The following IL12RB2 variants were observed in gnomAD, a reference collection of about 807,000 sequenced individuals.
The protein encoded by IL12RB2 is interleukin 12 receptor subunit beta 2.
In IL12RB2, 82 loss-of-function variants were observed where a neutral mutation model predicts 89.4. The observed-to-expected ratio is 0.92, with a 90% CI of 0.77 to 1.10. IL12RB2 has a LOEUF of 1.10. Among genes scored for constraint, IL12RB2 ranks in the 50% least tolerant of loss-of-function variants. IL12RB2 has a pLI of 0.00. For missense variants in IL12RB2, 963 were observed against 1,031.9 expected (o/e 0.93, Z 0.92); for synonymous variants, 368 against 370.1 (o/e 0.99, Z 0.07).
chr1:67,378,682 T>C (rs1479136926), intron 13 of IL12RB2, among the ~76,000 whole-genome samples: 1 of 150,280 alleles, frequency 6.7e-6, no homozygotes, highest in Non-Finnish European at 1.5e-5. Flanking sequence ...AAACCCCATC[T>C]CTATTAAAAA....
rs1293848144 is a variant in IL12RB2, at chr1:67,389,884, T to C, written c.1947-145T>C. ...TACAGAAAACTACCGTAGTCTTGGA[T>C]GATAAATCATCTTTGTCTTTCAGTG... On this transcript the variant is annotated intron_variant, in intron 15 of 16. Coordinates refer to ENST00000674203, the MANE Select transcript of IL12RB2 (RefSeq NM_001374259.2). 5 of 666,380 alleles carry C rather than the reference T, an allele frequency of 7.5e-6. No homozygotes were observed. In the Admixed American group the frequency reaches 1.0e-4, roughly 14 times the overall value. 41.3% of individuals were successfully genotyped at this position (666,380 alleles called of 1,614,324 possible).
chr1:67,330,586 TTCA>T, intron 7 of IL12RB2, 71 bp from the exon 8 acceptor site: 6 of 789,438 alleles, frequency 7.6e-6, no homozygotes, highest in Non-Finnish European at 1.3e-5. Flanking sequence ...TTTTTTTTTT[TTCA>T]TTTTATGTTA....
intron 9 of IL12RB2, among the ~76,000 whole-genome samples, chr1:67,345,822 G>T (rs1365177742): frequency 6.6e-6 from 1 of 152,172 alleles, no homozygotes; most frequent in Non-Finnish European, 1.5e-5. Flanking sequence ...AGGGAATTTT[G>T]ATTGGATAGC....
At chr1:67,348,342 C>T (rs1266047636) in intron 9 of IL12RB2, among the ~76,000 whole-genome samples, 1 of 152,098 alleles carries the variant, frequency 6.6e-6, no homozygotes, top group African/African-American at 2.4e-5. Flanking sequence ...ACACGGCTGC[C>T]CACACCTACC....
chr1:67,319,614 T>C (rs1159096771), intron 2 of IL12RB2, among the ~76,000 whole-genome samples: 1 of 152,072 alleles, frequency 6.6e-6, no homozygotes, highest in African/African-American at 2.4e-5. Context: ...GAAGCCTTGT[T>C]TAGAAGGAAA....
intron 9 of IL12RB2, 117 bp downstream of exon 9, chr1:67,338,820 C>A: frequency 1.4e-6 from 1 of 720,252 alleles, no homozygotes. Context: ...CTCATTTTCT[C>A]ACATTCATGA....
chr1:67,356,591 A>G (rs1409444001), intron 10 of IL12RB2, among the ~76,000 whole-genome samples: 1 of 152,190 alleles, frequency 6.6e-6, no homozygotes, highest in Non-Finnish European at 1.5e-5. Context: ...TGGAGGTACA[A>G]GTATGCCTAA....
At chr1:67,316,497 T>A (rs1428339955) in intron 2 of IL12RB2, among the ~76,000 whole-genome samples, 1 of 151,574 alleles carries the variant, frequency 6.6e-6, no homozygotes, top group Non-Finnish European at 1.5e-5. Flanking sequence ...AAAACTCAAT[T>A]AAAATAAGTA....
intron 10 of IL12RB2, among the ~76,000 whole-genome samples, chr1:67,367,078 C>T (rs188986745): frequency 6.6e-6 from 1 of 152,122 alleles, no homozygotes; most frequent in African/African-American, 2.4e-5. Flanking sequence ...AGATTAGGCA[C>T]CTTTGAGGCT....
chr1:67,340,215 G>T (rs1433889958), intron 9 of IL12RB2, among the ~76,000 whole-genome samples: 3 of 152,158 alleles, frequency 2.0e-5, no homozygotes, highest in Non-Finnish European at 4.4e-5. Flanking sequence ...GGTGAATCAT[G>T]ATCAGGCTCT....
In IL12RB2 at chr1:67,385,983, G is replaced by A. The variant is rs146048052; in HGVS notation, c.1856-596G>A. ...CCCAGCACTTTGGGAGGCCGAGGCA[G>A]GCAGATCATGAGGTCAGGAGTTCAA... is the stretch of plus-strand genomic sequence containing the variant. On this transcript the variant is annotated intron_variant, in intron 14 of 16. Coordinates refer to ENST00000674203, the MANE Select transcript of IL12RB2 (RefSeq NM_001374259.2). Among the ~76,000 whole-genome samples the A allele has an allele frequency of 3.6e-3, 550 of 152,158 alleles. 10 individuals are homozygous for A. The East Asian group carries it at 0.045, about 13-fold the overall frequency.
chr1:67,329,717 G>T lies in IL12RB2; in HGVS notation c.795G>T (p.Arg265Ser), dbSNP rs765685936. 3 of 1,607,338 alleles carry T rather than the reference G, an allele frequency of 1.9e-6. No individual in the cohort carries two copies. The highest frequency in any genetic ancestry group is 1.1e-5 in the South Asian group (1 of 90,934). Residue 265 changes from arginine (R) to serine (S), a missense_variant, in exon 7 of 17, where the codon AGG becomes AGT. Arg to Ser is a moderately radical substitution (Grantham distance 110). Coordinates refer to ENST00000674203, the MANE Select transcript of IL12RB2 (RefSeq NM_001374259.2). Reference sequence around the variant, plus strand: ...TCAGATATCGGCCCAGTAACAGCAGGCTCTGGAATATGGTAATTATCTTTA... The same window carrying T: ...TCAGATATCGGCCCAGTAACAGCAGTCTCTGGAATATGGTAATTATCTTTA... The part of the protein sequence containing the change: ...NRLRYRPSNS[R>S]LWNMVNVTKA...
At chr1:67,357,476 T>C (rs952890276) in intron 10 of IL12RB2, among the ~76,000 whole-genome samples, 8 of 152,214 alleles carry the variant, frequency 5.3e-5, no homozygotes, top group Admixed American at 2.0e-4. Context: ...TAATAGAAGC[T>C]AGCAAAAGTG....
chr1:67,334,986 T>C (rs1052967603), intron 8 of IL12RB2, among the ~76,000 whole-genome samples: 1 of 152,222 alleles, frequency 6.6e-6, no homozygotes, highest in Non-Finnish European at 1.5e-5. Flanking sequence ...ATCAGACACT[T>C]TCACTAACAG....
At chr1:67,337,968 GCT>G (rs1659011094) in intron 8 of IL12RB2, among the ~76,000 whole-genome samples, 1 of 146,232 alleles carries the variant, frequency 6.8e-6, no homozygotes. Context: ...TTATTTTTTT[GCT>G]CTGTCTTATG....
At chr1:67,363,435 C>T (rs1374410388) in intron 10 of IL12RB2, among the ~76,000 whole-genome samples, 12 of 147,138 alleles carry the variant, frequency 8.2e-5, no homozygotes, top group Admixed American at 1.4e-4. Flanking sequence ...AGGCTGGTCT[C>T]GAACTCCCAA....
intron 8 of IL12RB2, among the ~76,000 whole-genome samples, chr1:67,332,015 G>A (rs893293587): frequency 1.4e-4 from 22 of 152,030 alleles, no homozygotes; most frequent in African/African-American, 5.3e-4. Flanking sequence ...TGAAATTTAT[G>A]GATATGTGTG....
intron 10 of IL12RB2, among the ~76,000 whole-genome samples, chr1:67,354,413 C>G (rs903301883): frequency 6.6e-6 from 1 of 152,008 alleles, no homozygotes; most frequent in Non-Finnish European, 1.5e-5. Context: ...GATGAGGAGC[C>G]AGTGACCAAA....
intron 4 of IL12RB2, among the ~76,000 whole-genome samples, chr1:67,325,729 T>C (rs1010026233): frequency 7.9e-5 from 12 of 152,246 alleles, no homozygotes; most frequent in African/African-American, 2.7e-4. Flanking sequence ...AAAAAAGATA[T>C]TTATTTAATC....
Sources: allele counts gnomAD v4.1 joint callset (sites outside exome capture counted in the v4.1 genomes callset), GRCh38; gene constraint gnomAD v4.1.1; transcripts MANE v1.5; gene names NCBI Gene and HGNC (gene_info 2026-07-23, HGNC 2026-07-21).